Variants in MARCHF8 observed in about 807,000 individuals in gnomAD.
The protein encoded by MARCHF8 is E3 ubiquitin-protein ligase MARCHF8.
A neutral mutation model predicts 51.6 loss-of-function variants in MARCHF8; 40 were observed. The observed-to-expected ratio is 0.77, with a 90% CI of 0.60 to 1.01. MARCHF8 has a LOEUF of 1.01. Ranked by LOEUF, MARCHF8 falls within the 50% of genes least tolerant of loss-of-function variation. The pLI is 0.00. For missense variants in MARCHF8, 685 were observed against 708.6 expected (o/e 0.97, Z 0.38); for synonymous variants, 263 against 280.3 (o/e 0.94, Z 0.62).
At chr10:45,468,620 A>G (rs1045373582) in intron 3 of MARCHF8, among the ~76,000 whole-genome samples, 6 of 152,220 alleles carry the variant, frequency 3.9e-5, no homozygotes, top group African/African-American at 1.4e-4. Context: ...GACAGGCTGG[A>G]TAAGGATGGT....
intron 1 of MARCHF8, among the ~76,000 whole-genome samples, chr10:45,548,762 G>A (rs996177993): frequency 1.1e-4 from 17 of 152,096 alleles, no homozygotes; most frequent in Admixed American, 7.9e-4. Flanking sequence ...TCGGGAGGCC[G>A]AGGCGGTGGA....
chr10:45,588,763 C>T (rs1284159084), intron 1 of MARCHF8, among the ~76,000 whole-genome samples: 1 of 151,968 alleles, frequency 6.6e-6, no homozygotes, highest in Non-Finnish European at 1.5e-5. Context: ...CTTTGGGAGG[C>T]CAAGGTGGGT....
At chr10:45,479,450 C>A (rs1014963422) in intron 3 of MARCHF8, among the ~76,000 whole-genome samples, 6 of 152,088 alleles carry the variant, frequency 3.9e-5, no homozygotes, top group African/African-American at 1.4e-4. Context: ...GATAAGAATG[C>A]CCGCTGATAT....
At chr10:45,521,317 A>T (rs1427560335) in intron 2 of MARCHF8, among the ~76,000 whole-genome samples, 1 of 152,258 alleles carries the variant, frequency 6.6e-6, no homozygotes, top group Non-Finnish European at 1.5e-5. Flanking sequence ...ACCCAAAACC[A>T]GTAATTCCAA....
intron 1 of MARCHF8, among the ~76,000 whole-genome samples, chr10:45,534,797 C>T (rs2043948690): frequency 6.6e-6 from 1 of 152,076 alleles, no homozygotes; most frequent in Admixed American, 6.6e-5. Context: ...TCTACCTCTC[C>T]CCAAACTCTA....
chr10:45,558,382 C>T (rs1461965031), intron 1 of MARCHF8, among the ~76,000 whole-genome samples: 2 of 152,192 alleles, frequency 1.3e-5, no homozygotes, highest in African/African-American at 4.8e-5. Context: ...TGGTATCTGT[C>T]ATTCACACTA....
chr10:45,458,683 C>T, intron 7 of MARCHF8, 140 bp from the exon 8 acceptor site: 2 of 917,374 alleles, frequency 2.2e-6, no homozygotes, highest in East Asian at 5.3e-5. Flanking sequence ...CTATGTTGCC[C>T]AGGCTGGAGT....
At chr10:45,490,707 A>C (rs2043065535) in intron 2 of MARCHF8, among the ~76,000 whole-genome samples, 1 of 152,218 alleles carries the variant, frequency 6.6e-6, no homozygotes, top group Non-Finnish European at 1.5e-5. Context: ...TCTTGCTCTA[A>C]ACCCAAATGA....
rs567839214 is a variant in MARCHF8 at position 45,524,153 on chromosome 10, T to C, written c.102+8957A>G. Among the ~76,000 whole-genome samples the C allele has an allele frequency of 5.9e-5, 9 of 152,332 alleles. No individual in the cohort carries two copies. In the South Asian group the frequency reaches 1.9e-3, roughly 32 times the overall value. ...TTCAAATGGGTCAACCTGAATTTAA[T>C]GTTTTATAACAGCATACTCTTTTTT... On this transcript the variant is annotated intron_variant, in intron 2 of 7. Coordinates refer to ENST00000453424, the MANE Select transcript of MARCHF8 (RefSeq NM_001282866.2).
At chr10:45,523,581 A>G (rs1163678523) in intron 2 of MARCHF8, among the ~76,000 whole-genome samples, 1 of 152,172 alleles carries the variant, frequency 6.6e-6, no homozygotes, top group Admixed American at 6.5e-5. Flanking sequence ...TGGTTTTCTT[A>G]TTTTCAAGTT....
intron 1 of MARCHF8, among the ~76,000 whole-genome samples, chr10:45,567,859 T>C (rs1269256883): frequency 6.6e-6 from 1 of 152,248 alleles, no homozygotes; most frequent in Non-Finnish European, 1.5e-5. Flanking sequence ...ATTTAATCTG[T>C]AGACTGCTTT....
At chr10:45,573,532 G>A (rs1483692655) in intron 1 of MARCHF8, among the ~76,000 whole-genome samples, 1 of 152,122 alleles carries the variant, frequency 6.6e-6, no homozygotes, top group Non-Finnish European at 1.5e-5. Flanking sequence ...CCTGAAGCCC[G>A]GGATTCCTCC....
At chr10:45,514,843 GAACAA>G (rs1409615724) in intron 2 of MARCHF8, among the ~76,000 whole-genome samples, 3 of 152,046 alleles carry the variant, frequency 2.0e-5, no homozygotes, top group South Asian at 2.1e-4. Context: ...ATGTCTGACA[GAACAA>G]AACAAAATTT....
chr10:45,459,851 A>G (rs556876961), intron 6 of MARCHF8: 71 of 985,476 alleles, frequency 7.2e-5, no homozygotes, highest in Non-Finnish European at 8.3e-5. Flanking sequence ...AATTTACTCC[A>G]AATAGCCAGA....
At chr10:45,580,030 AATC>A (rs2044537262) in intron 1 of MARCHF8, among the ~76,000 whole-genome samples, 1 of 150,110 alleles carries the variant, frequency 6.7e-6, no homozygotes, top group Admixed American at 6.6e-5. Flanking sequence ...AAAAAAAAAA[AATC>A]CACAGTATTC....
At chr10:45,557,833 TG>T (rs2044269302) in intron 1 of MARCHF8, among the ~76,000 whole-genome samples, 2 of 152,162 alleles carry the variant, frequency 1.3e-5, no homozygotes, top group Admixed American at 6.5e-5. Flanking sequence ...GAAAGGCCCC[TG>T]GTAAGCACAC....
intron 1 of MARCHF8, among the ~76,000 whole-genome samples, chr10:45,579,203 T>C (rs373136445): frequency 6.6e-6 from 1 of 152,104 alleles, no homozygotes; most frequent in South Asian, 2.1e-4. Flanking sequence ...CATTCACATA[T>C]ATGCATAAAA....
chr10:45,552,725 A>G (rs1247606640), intron 1 of MARCHF8, among the ~76,000 whole-genome samples: 1 of 152,246 alleles, frequency 6.6e-6, no homozygotes, highest in Non-Finnish European at 1.5e-5. Context: ...AAAATAGATT[A>G]GTGAATGCCC....
intron 2 of MARCHF8, among the ~76,000 whole-genome samples, chr10:45,493,779 G>T (rs909841787): frequency 6.6e-6 from 1 of 152,078 alleles, no homozygotes; most frequent in Non-Finnish European, 1.5e-5. Context: ...TATGAGTTTT[G>T]TTTGTTTGTT....
Sources: gnomAD v4.1 joint callset for allele counts (sites outside exome capture counted in the v4.1 genomes callset) on GRCh38, gnomAD v4.1.1 for gene constraint, MANE v1.5 for transcripts, NCBI Gene and HGNC (gene_info 2026-07-23, HGNC 2026-07-21) for gene names.